ATP8A1: variants seen among roughly 807,000 people sequenced by gnomAD.
The protein encoded by ATP8A1 is phospholipid-transporting ATPase IA.
Under a neutral mutation model 177.7 loss-of-function variants are expected in ATP8A1, and 90 were observed. The observed-to-expected ratio is 0.51, with a 90% CI of 0.43 to 0.60. The LOEUF (loss-of-function observed/expected upper bound fraction) is 0.60. Among genes scored for constraint, ATP8A1 ranks in the 20% least tolerant of loss-of-function variants. The pLI is 0.00. For synonymous variants in ATP8A1, 493 were observed against 485.9 expected (o/e 1.01, Z -0.19); for missense variants, 1,072 against 1,392.8 (o/e 0.77, Z 3.67).
intron 4 of ATP8A1, among the ~76,000 whole-genome samples, chr4:42,620,083 C>T (rs1265971217): frequency 1.3e-5 from 2 of 152,178 alleles, no homozygotes; most frequent in Non-Finnish European, 2.9e-5. Context: ...CATACATATC[C>T]TAATGAATGC....
At chr4:42,437,899 A>G (rs1716172096) in intron 33 of ATP8A1, among the ~76,000 whole-genome samples, 1 of 152,174 alleles carries the variant, frequency 6.6e-6, no homozygotes, top group Admixed American at 6.5e-5. Context: ...AGCGGAAGCA[A>G]AAGGGGAAAA....
chr4:42,418,917 C>T (rs1217957038), intron 35 of ATP8A1, among the ~76,000 whole-genome samples: 1 of 152,118 alleles, frequency 6.6e-6, no homozygotes, highest in Non-Finnish European at 1.5e-5. Context: ...TAAGTGCTTA[C>T]AATTTGTTTT....
At chr4:42,655,641 G>A (rs1741539163) in intron 1 of ATP8A1, among the ~76,000 whole-genome samples, 1 of 152,170 alleles carries the variant, frequency 6.6e-6, no homozygotes, top group Non-Finnish European at 1.5e-5. Flanking sequence ...GAATTCCTAT[G>A]TAGTACACAG....
chr4:42,546,594 AAC>A (rs1728959797), intron 19 of ATP8A1, among the ~76,000 whole-genome samples: 1 of 150,722 alleles, frequency 6.6e-6, no homozygotes, highest in African/African-American at 2.5e-5. Context: ...AAAAAAAAAA[AAC>A]AAAAAAACTC....
rs554727072 is a variant in ATP8A1 at position 42,556,049 on chromosome 4, G to T, written c.1341-9C>A. On this transcript the variant is annotated splice_polypyrimidine_tract_variant and intron_variant, in intron 15 of 36. Transcript: ENST00000381668. ...CAAACTGTGAGTTCTGCCTGAAGGG[G>T]GTAAAAAATAGAGTAAACCCAGTTC... 9.1e-5 allele frequency: 146 copies of T among 1,601,966 alleles called. No homozygotes were observed. Among genetic ancestry groups the T allele is most frequent in the Non-Finnish European group, 1.2e-4 (140 of 1,172,486 alleles).
At position 42,532,999 on chromosome 4, in the gene ATP8A1, T is replaced by C. The variant is rs535604784; in HGVS notation, c.1723-8152A>G. On this transcript the variant is annotated intron_variant, in intron 20 of 36. Coordinates refer to ENST00000381668, the MANE Select transcript of ATP8A1 (RefSeq NM_006095.2). ...CACCACCCTTTGCTGACTCCTTTTT[T>C]GGACTCAGCCCACCTGCACCCAGGT... is the stretch of plus-strand genomic sequence containing the variant. Among the ~76,000 whole-genome samples the C allele has an allele frequency of 1.4e-4, 21 of 152,378 alleles. No homozygotes were observed. In the East Asian group the frequency reaches 4.0e-3, roughly 29 times the overall value.
At chr4:42,561,458 C>T (rs1394292903) in intron 15 of ATP8A1, 1 of 152,358 alleles carries the variant, frequency 6.6e-6, no homozygotes, top group African/African-American at 2.4e-5. Context: ...CTGGCTTACC[C>T]TCTGATGTCT....
intron 33 of ATP8A1, among the ~76,000 whole-genome samples, chr4:42,425,587 A>G (rs1404487606): frequency 6.6e-6 from 1 of 152,156 alleles, no homozygotes; most frequent in African/African-American, 2.4e-5. Flanking sequence ...AAAATCCCAC[A>G]GAGGTATTTC....
intron 1 of ATP8A1, among the ~76,000 whole-genome samples, chr4:42,641,989 G>T (rs1451376897): frequency 2.7e-5 from 4 of 146,080 alleles, no homozygotes; most frequent in African/African-American, 9.9e-5. Flanking sequence ...ACTCACCTTT[G>T]TTTTTTTTTT....
intron 1 of ATP8A1, among the ~76,000 whole-genome samples, chr4:42,634,836 A>G (rs955505597): frequency 2.0e-5 from 3 of 152,252 alleles, no homozygotes; most frequent in Non-Finnish European, 2.9e-5. Context: ...AATTCAGATT[A>G]TAACACTTCT....
At chr4:42,567,773 A>G (rs1731502422) in intron 15 of ATP8A1, among the ~76,000 whole-genome samples, 2 of 152,258 alleles carry the variant, frequency 1.3e-5, no homozygotes, top group Admixed American at 6.5e-5. Context: ...TCTTTCCAGC[A>G]CCAATAAAAG....
At chr4:42,551,771 G>C (rs1308130957) in intron 17 of ATP8A1, among the ~76,000 whole-genome samples, 1 of 152,114 alleles carries the variant, frequency 6.6e-6, no homozygotes, top group East Asian at 1.9e-4. Context: ...TTTATTGCTA[G>C]AGTAGGGTAT....
intron 27 of ATP8A1, among the ~76,000 whole-genome samples, chr4:42,461,393 G>A (rs1248493902): frequency 6.6e-6 from 1 of 151,966 alleles, no homozygotes; most frequent in African/African-American, 2.4e-5. Flanking sequence ...TTGAGTCATG[G>A]GGCCAAGTCT....
At chr4:42,487,951 G>A (rs1291115266) in intron 24 of ATP8A1, among the ~76,000 whole-genome samples, 1 of 152,128 alleles carries the variant, frequency 6.6e-6, no homozygotes, top group African/African-American at 2.4e-5. Context: ...CTTTACATCA[G>A]GGATGGGGGG....
At chr4:42,654,816 G>A (rs541600951) in intron 1 of ATP8A1, among the ~76,000 whole-genome samples, 2 of 152,320 alleles carry the variant, frequency 1.3e-5, no homozygotes, top group South Asian at 4.1e-4. Flanking sequence ...GGCCAAAAAG[G>A]CTGCAGTTCA....
At chr4:42,448,414 T>TTTTTTTTTTTTTTTTTTTTTTTTTTTG (rs1560335393) in intron 30 of ATP8A1, among the ~76,000 whole-genome samples, 1 of 142,640 alleles carries the variant, frequency 7.0e-6, no homozygotes, top group African/African-American at 2.6e-5. Context: ...TTTTTTTTTT[T>TTTTTTTTTTTTTTTTTTTTTTTTTTTG]TGAGATGGAG....
intron 4 of ATP8A1, among the ~76,000 whole-genome samples, chr4:42,616,771 G>A (rs764594446): frequency 8.5e-5 from 13 of 152,220 alleles, no homozygotes; most frequent in Admixed American, 3.9e-4. Flanking sequence ...AGGTAGGTTT[G>A]AAGAGTTGCA....
chr4:42,586,600 C>A lies in ATP8A1; in HGVS notation c.595-124G>T, dbSNP rs549133286. The stretch of plus-strand genomic sequence containing the variant: ...GATCCCATTATTTTTATAAGCAATT[C>A]TCCTCTACTCTGTCAAATCATAATT... On this transcript the variant is annotated intron_variant, in intron 8 of 36. Transcript: ENST00000381668. 4 of 910,680 alleles carry A rather than the reference C, an allele frequency of 4.4e-6. No homozygotes were observed. The East Asian group carries it at 8.0e-5, about 18-fold the overall frequency. The allele number at this position is 910,680 out of a possible 1,614,324, so 56.4% of individuals were successfully genotyped here.
chr4:42,599,964 T>C (rs1392771240), intron 6 of ATP8A1, among the ~76,000 whole-genome samples: 1 of 152,210 alleles, frequency 6.6e-6, no homozygotes, highest in Non-Finnish European at 1.5e-5. Context: ...CTTAACCTAC[T>C]AACTGCCATG....
Sources: gnomAD v4.1 joint callset for allele counts (sites outside exome capture counted in the v4.1 genomes callset) on GRCh38, gnomAD v4.1.1 for gene constraint, MANE v1.5 for transcripts, NCBI Gene and HGNC (gene_info 2026-07-23, HGNC 2026-07-21) for gene names.